The following TKFC variants were observed in gnomAD, a reference collection of about 807,000 sequenced individuals.
TKFC encodes triokinase and FMN cyclase.
Under a neutral mutation model 61.0 loss-of-function variants are expected in TKFC, and 46 were observed. That is an observed-to-expected ratio of 0.75 (90% confidence interval 0.60 to 0.96). The LOEUF (loss-of-function observed/expected upper bound fraction) is 0.96, where lower values mean the gene tolerates loss of function less well. Ranked by LOEUF, TKFC falls within the 50% of genes least tolerant of loss-of-function variation. The probability of loss-of-function intolerance (pLI) is 0.00; values close to 1 mark genes in which losing one functional copy is unlikely to be tolerated. For synonymous variants in TKFC, 314 were observed against 330.1 expected, an observed-to-expected ratio of 0.95 and a Z score of 0.53; for missense variants, 715 against 777.5, an observed-to-expected ratio of 0.92 and a Z score of 0.96.
downstream of TKFC, chr11:61,350,591 C>T (rs1857353430): frequency 1.3e-6 from 1 of 788,500 alleles, no homozygotes; most frequent in Non-Finnish European, 2.1e-6. Flanking sequence ...CGTCTCCCTA[C>T]ATCCCATCAA....
chr11:61,351,060 C>T (rs745776786), downstream of TKFC: 4 of 1,613,934 alleles, frequency 2.5e-6, no homozygotes, highest in South Asian at 2.2e-5. Flanking sequence ...AGAGCACCAG[C>T]AGCCCAAAGG....
intron 3 of TKFC, 31 bp from the exon 4 acceptor site, chr11:61,339,035 A>G (rs1469663671): frequency 1.9e-6 from 3 of 1,594,812 alleles, no homozygotes; most frequent in Admixed American, 1.7e-5. Context: ...AGTCCCACCC[A>G]GCATGCTCAC....
At chr11:61,349,326 G>T (rs1175679116), downstream of TKFC, 2 of 527,522 alleles carry the variant, frequency 3.8e-6, no homozygotes, top group Non-Finnish European at 6.9e-6. Context: ...GGTGGCAGTG[G>T]CTCCCAGGGC....
chr11:61,338,852 A>G (rs1428741775), intron 3 of TKFC, among the ~76,000 whole-genome samples: 3 of 152,180 alleles, frequency 2.0e-5, no homozygotes, highest in Non-Finnish European at 2.9e-5. Context: ...GTCCCTGGGG[A>G]GGGAGCTGGT....
chr11:61,345,220 G>A, intron 13 of TKFC, 40 bp from the exon 14 acceptor site: 1 of 1,478,178 alleles, frequency 6.8e-7, no homozygotes, highest in South Asian at 1.3e-5. Flanking sequence ...CAGATGGAGG[G>A]AGGATCTCTG....
rs764662952 is a variant in TKFC at position 61,339,119 on chromosome 11, TC to T, written c.251del (p.Pro84ArgfsTer25). 14 of 1,613,554 alleles carry T rather than the reference TC, an allele frequency of 8.7e-6. No homozygotes were observed. In the African/African-American group the frequency reaches 1.1e-4, roughly 12 times the overall value. On this transcript the variant is annotated frameshift_variant, in exon 4 of 18. Transcript: ENST00000394900. The part of the protein sequence containing the change: ...TGVIAGAVFT[S>X]PAVGSILAAI... The stretch of plus-strand genomic sequence containing the variant: ...GGTCATCGCGGGAGCTGTGTTCACC[TC>T]CCCGGCAGTGGGCAGCATCCTGGCA...
intron 2 of TKFC, among the ~76,000 whole-genome samples, chr11:61,336,617 G>A (rs1190507525): frequency 6.6e-6 from 1 of 152,206 alleles, no homozygotes; most frequent in Non-Finnish European, 1.5e-5. Flanking sequence ...TCCCGACAAT[G>A]ATGTATCTTC....
chr11:61,347,251 A>C lies in TKFC; in HGVS notation c.*748A>C, dbSNP rs1857174164. 1 of 985,340 alleles carries C rather than the reference A, an allele frequency of 1.0e-6. No individual in the cohort carries two copies. The highest frequency in any genetic ancestry group is 6.1e-5 in the Admixed American group (1 of 16,266). The allele number at this position is 985,340 out of a possible 1,614,324, so 61.0% of individuals were successfully genotyped here. On this transcript the variant is annotated 3_prime_UTR_variant, in exon 18 of 18. Coordinates refer to ENST00000394900, the MANE Select transcript of TKFC (RefSeq NM_015533.4). ...CTAAGGTTCAGTTGTAGATCAAAAA[A>C]TGCAGCCAGGCCGGGCACGGTGGCT...
chr11:61,346,017 C>T lies in TKFC; in HGVS notation c.1575+71C>T. 2 of 1,506,542 alleles carry T rather than the reference C, an allele frequency of 1.3e-6. No individual in the cohort carries two copies. The highest frequency in any genetic ancestry group is 1.8e-6 in the Non-Finnish European group (2 of 1,097,702). 93.3% of individuals were successfully genotyped at this position (1,506,542 alleles called of 1,614,324 possible). On this transcript the variant is annotated intron_variant, in intron 17 of 17. Coordinates refer to ENST00000394900, the MANE Select transcript of TKFC (RefSeq NM_015533.4). The surrounding 1 kb of genome is among the most constrained non-coding windows in gnomAD (Gnocchi z 4.1). ...CAGCAGACTCCTGTCTCCATGTGAC[C>T]CTGAGCAAGTTAATAACCTTCCTGG...
chr11:61,343,421 C>T lies in TKFC; in HGVS notation c.945C>T (p.Thr315=), dbSNP rs757651496. 3 of 1,614,182 alleles carry T rather than the reference C, an allele frequency of 1.9e-6. No individual in the cohort carries two copies. Among genetic ancestry groups the T allele is most frequent in the Non-Finnish European group, 2.5e-6 (3 of 1,180,030 alleles). ...SALEMPGISL[T]LLLVDEPLLK... Reference sequence around the variant, plus strand: ...TGGAGATGCCTGGCATTTCTCTCACCCTCCTGCTGGTGGATGAGCCTCTCC... The same window carrying T: ...TGGAGATGCCTGGCATTTCTCTCACTCTCCTGCTGGTGGATGAGCCTCTCC... Residue 315 remains threonine, a synonymous_variant, in exon 11 of 18, where the codon ACC becomes ACT. Transcript: ENST00000394900.
Position 61,347,464 on chromosome 11 carries a change from A to G in TKFC, c.*961A>G, listed in dbSNP as rs1163651403. 2.1e-6 allele frequency: 2 copies of G among 972,488 alleles called. No individual in the cohort carries two copies. The highest frequency in any genetic ancestry group is 3.6e-5 in the African/African-American group (2 of 56,286). 60.2% of individuals were successfully genotyped at this position (972,488 alleles called of 1,614,324 possible). On this transcript the variant is annotated 3_prime_UTR_variant, in exon 18 of 18. Transcript: ENST00000394900. ...TGAGTTGGGAGGATGGCTTGGGCCC[A>G]GGAGGTCGAGGCTGCGGTGAGCCAT...
chr11:61,346,368 C>A lies in TKFC; in HGVS notation c.1593C>A (p.Ala531=). 1 of 1,612,698 alleles carries A rather than the reference C, an allele frequency of 6.2e-7. No individual in the cohort carries two copies. The highest frequency in any genetic ancestry group is 8.5e-7 in the Non-Finnish European group (1 of 1,179,968). ...TKAVKSAEAA[A]EATKNMEAGA... is the part of the protein sequence containing the mutation. ...TCCCCCAGAGTGCCGAAGCTGCAGC[C>A]GAGGCCACCAAGAATATGGAAGCTG... The change falls in exon 18 of 18, where the codon GCC becomes GCA. Residue 531 remains alanine (A), a synonymous_variant. Coordinates refer to ENST00000394900, the MANE Select transcript of TKFC (RefSeq NM_015533.4). This position sits in a 1 kb window ranked among gnomAD's most constrained non-coding sequence, Gnocchi z 4.1.
At chr11:61,342,869 T>G (rs1425865392) in intron 10 of TKFC, 25 bp downstream of exon 10, 4 of 1,611,478 alleles carry the variant, frequency 2.5e-6, no homozygotes, top group Non-Finnish European at 3.4e-6. Context: ...GGGAAGGGGA[T>G]CCTACAGCCC....
intron 16 of TKFC, 25 bp downstream of exon 16, chr11:61,345,770 G>A: frequency 6.2e-7 from 1 of 1,614,220 alleles, no homozygotes. Context: ...TGTGGCCTCA[G>A]ACCTTTCTCC....
intron 1 of TKFC, chr11:61,334,209 A>G (rs140395811): frequency 1.3e-5 from 2 of 156,834 alleles, no homozygotes; most frequent in Non-Finnish European, 2.8e-5. Flanking sequence ...TGTTTCCCAG[A>G]AGTAAAATGG....
Position 61,334,686 on chromosome 11 carries a change from A to T in TKFC, c.-43A>T. 1 of 1,613,968 alleles carries T rather than the reference A, an allele frequency of 6.2e-7. No homozygotes were observed. Among genetic ancestry groups the T allele is most frequent in the South Asian group, 1.1e-5 (1 of 91,026 alleles). On this transcript the variant is annotated 5_prime_UTR_variant, in exon 2 of 18. Coordinates refer to ENST00000394900, the MANE Select transcript of TKFC (RefSeq NM_015533.4). ...AGGATTGTCCATCCTCCAGCAGCTC[A>T]GTGCAACGGTGTGAACTCAGCCTGT...
In TKFC at chr11:61,347,934, TC is replaced by T; in HGVS notation, c.*1434del. 3.0e-6 allele frequency: 3 copies of T among 985,286 alleles called. No homozygotes were observed. Among genetic ancestry groups the T allele is most frequent in the Non-Finnish European group, 3.6e-6 (3 of 829,874 alleles). 61.0% of individuals were successfully genotyped at this position (985,286 alleles called of 1,614,324 possible). ...TCACAGGGGTTGGGCCCCCAGCCCC[TC>T]CCAGGTCATCTGCTCTACCACTAGC... On this transcript the variant is annotated 3_prime_UTR_variant, in exon 18 of 18. Transcript: ENST00000394900.
rs1481205992 is a variant in TKFC at position 61,345,696 on chromosome 11, T to C, written c.1452-16T>C. 6 of 1,614,148 alleles carry C rather than the reference T, an allele frequency of 3.7e-6. No homozygotes were observed. Among genetic ancestry groups the C allele is most frequent in the Admixed American group, 3.3e-5 (2 of 60,026 alleles). On this transcript the variant is annotated splice_polypyrimidine_tract_variant and intron_variant, in intron 15 of 17. Transcript: ENST00000394900. Reference sequence around the variant, plus strand: ...GTTCCCTATAGTGAGCCTCTTTCACTCTCTTTCCCTGCCAGGTATGGCAAG... The same window carrying C: ...GTTCCCTATAGTGAGCCTCTTTCACCCTCTTTCCCTGCCAGGTATGGCAAG...
chr11:61,342,615 C>T lies in TKFC; in HGVS notation c.732C>T (p.His244=). The T allele has an allele frequency of 6.2e-7, 1 of 1,614,088 alleles. No individual in the cohort carries two copies. Among genetic ancestry groups the T allele is most frequent in the Non-Finnish European group, 8.5e-7 (1 of 1,180,030 alleles). Residue 244 remains histidine, a synonymous_variant, in exon 9 of 18, where the codon CAC becomes CAT. Transcript: ENST00000394900. ...AGATTGTGAAACTCATGCTCGACCACATGACAAACACCACCAACGCGTCCC... is the reference window on the plus strand; with the variant it reads ...AGATTGTGAAACTCATGCTCGACCATATGACAAACACCACCAACGCGTCCC... ...ADEIVKLMLD[H]MTNTTNASHV...
Sources: allele counts gnomAD v4.1 joint callset (sites outside exome capture counted in the v4.1 genomes callset), GRCh38; gene constraint gnomAD v4.1.1; non-coding constraint Gnocchi (gnomAD v3.1); transcripts MANE v1.5; gene names NCBI Gene and HGNC (gene_info 2026-07-23, HGNC 2026-07-21).